The following COL22A1 variants were observed in gnomAD, a reference collection of about 807,000 sequenced individuals.
COL22A1 encodes the protein collagen type XXII alpha 1 chain.
In COL22A1, 221 loss-of-function variants were observed where a neutral mutation model predicts 248.9. The observed-to-expected ratio is 0.89, with a 90% CI of 0.80 to 0.99. The LOEUF is 0.99. COL22A1 is among the 50% of genes least tolerant of loss of function. The pLI, the probability that COL22A1 is intolerant of heterozygous loss-of-function variation, is 0.00. For synonymous variants in COL22A1, 891 were observed against 793.4 expected (o/e 1.12, Z -2.07); for missense variants, 2,240 against 2,179.0 (o/e 1.03, Z -0.56).
At chr8:138,622,455 T>C (rs1327866863) in intron 52 of COL22A1, among the ~76,000 whole-genome samples, 1 of 152,230 alleles carries the variant, frequency 6.6e-6, no homozygotes, top group Non-Finnish European at 1.5e-5. Flanking sequence ...TAAAATATTT[T>C]TATTTAATCA....
intron 50 of COL22A1, 88 bp downstream of exon 50, chr8:138,630,607 C>T: frequency 8.9e-7 from 1 of 1,117,898 alleles, no homozygotes; most frequent in East Asian, 2.4e-5. Flanking sequence ...AGGAGGCACA[C>T]AGGACAAGAG....
At chr8:138,888,135 G>A (rs527905856) in intron 1 of COL22A1, among the ~76,000 whole-genome samples, 14 of 152,248 alleles carry the variant, frequency 9.2e-5, no homozygotes, top group Admixed American at 4.6e-4. Context: ...AAATATTCAC[G>A]AGTTGCCCTC....
chr8:138,765,648 A>G (rs919798274), intron 16 of COL22A1, among the ~76,000 whole-genome samples: 1 of 152,206 alleles, frequency 6.6e-6, no homozygotes, highest in East Asian at 1.9e-4. Flanking sequence ...CTAGGCCACT[A>G]TTGTCTGTAA....
intron 37 of COL22A1, among the ~76,000 whole-genome samples, chr8:138,688,137 G>A (rs547034605): frequency 6.0e-4 from 90 of 149,442 alleles, no homozygotes; most frequent in African/African-American, 2.1e-3. Flanking sequence ...AATGCAGAAT[G>A]GAACTTAAAA....
rs73445448 is a variant in COL22A1 at position 138,651,064 on chromosome 8, C to A, written c.3334-1286G>T. 2.6e-3 allele frequency among the ~76,000 whole-genome samples: 403 copies of A among 152,246 alleles called. 2 individuals carry two copies. Among genetic ancestry groups the A allele is most frequent in the African/African-American group, 9.4e-3 (389 of 41,554 alleles). ...TCTTGGTCTCCGATTTCAGGATGGTCAAGTTTTTCCATCACAAAAGCATCT... is the reference window on the plus strand; with the variant it reads ...TCTTGGTCTCCGATTTCAGGATGGTAAAGTTTTTCCATCACAAAAGCATCT... On this transcript the variant is annotated intron_variant, in intron 45 of 64. Coordinates refer to ENST00000303045, the MANE Select transcript of COL22A1 (RefSeq NM_152888.3).
At chr8:138,902,548 C>CA (rs1390239116) in intron 1 of COL22A1, among the ~76,000 whole-genome samples, 6 of 150,900 alleles carry the variant, frequency 4.0e-5, no homozygotes, top group South Asian at 2.1e-4. Flanking sequence ...AATACAAAAA[C>CA]AAAAAAAATT....
chr8:138,738,635 C>T (rs570575771), intron 22 of COL22A1, among the ~76,000 whole-genome samples: 1 of 152,258 alleles, frequency 6.6e-6, no homozygotes, highest in East Asian at 1.9e-4. Context: ...GAGGCTCAGA[C>T]CTCATGTCTC....
chr8:138,866,649 G>T (rs1822919242), intron 3 of COL22A1, among the ~76,000 whole-genome samples: 1 of 152,336 alleles, frequency 6.6e-6, no homozygotes, highest in African/African-American at 2.4e-5. Flanking sequence ...CTTTACTCGG[G>T]ATGGCACCAG....
intron 3 of COL22A1, among the ~76,000 whole-genome samples, chr8:138,857,345 C>T (rs1261143248): frequency 6.6e-6 from 1 of 152,238 alleles, no homozygotes; most frequent in East Asian, 1.9e-4. Flanking sequence ...TGGGTCAGTG[C>T]CAAGCAGGAC....
rs763926603 is a variant in COL22A1 at position 138,602,097 on chromosome 8, C to T, written c.4185+18G>A. On this transcript the variant is annotated intron_variant, in intron 60 of 64. Transcript: ENST00000303045. Reference sequence around the variant, plus strand: ...GGTCGCGTTCGGCGTGTTCAAGGTGCCTGTGCTCTCCACTCACCCTTTCTC... The same window carrying T: ...GGTCGCGTTCGGCGTGTTCAAGGTGTCTGTGCTCTCCACTCACCCTTTCTC... 5.6e-6 allele frequency: 9 copies of T among 1,613,840 alleles called. No individual in the cohort carries two copies. Among genetic ancestry groups the T allele is most frequent in the Non-Finnish European group, 6.8e-6 (8 of 1,179,892 alleles).
intron 27 of COL22A1, among the ~76,000 whole-genome samples, chr8:138,719,748 G>A (rs1336405651): frequency 1.3e-5 from 2 of 152,204 alleles, no homozygotes; most frequent in East Asian, 1.9e-4. Context: ...CTCTGGCTGG[G>A]CTGAATTTGA....
intron 7 of COL22A1, among the ~76,000 whole-genome samples, chr8:138,814,854 C>G (rs2131717617): frequency 6.6e-6 from 1 of 152,254 alleles, no homozygotes; most frequent in South Asian, 2.1e-4. Flanking sequence ...CCTCTACAGC[C>G]AAGAATTCAT....
chr8:138,623,179 C>T (rs1374771135), intron 52 of COL22A1, among the ~76,000 whole-genome samples: 2 of 149,552 alleles, frequency 1.3e-5, no homozygotes, highest in East Asian at 3.9e-4. Flanking sequence ...TTAAACAAAA[C>T]CAAAACCAAA....
intron 63 of COL22A1, among the ~76,000 whole-genome samples, chr8:138,592,947 G>C (rs1309044866): frequency 6.6e-6 from 1 of 152,108 alleles, no homozygotes. Flanking sequence ...ATTTACAATA[G>C]CAAAGACTTG....
intron 1 of COL22A1, among the ~76,000 whole-genome samples, chr8:138,891,492 C>T (rs539200937): frequency 6.6e-6 from 1 of 152,182 alleles, no homozygotes; most frequent in African/African-American, 2.4e-5. Context: ...ACATTACATG[C>T]TCATAAGTGC....
rs562820116 is a variant in COL22A1, at chr8:138,703,857, G to A, written c.2518-510C>T. On this transcript the variant is annotated intron_variant, in intron 30 of 64. Coordinates refer to ENST00000303045, the MANE Select transcript of COL22A1 (RefSeq NM_152888.3). ...CTCACCCAGGAGGCACAAAGAGTTGGGGAATTCCCTTCCCTAGCCAAGGGA... is the reference window on the plus strand; with the variant it reads ...CTCACCCAGGAGGCACAAAGAGTTGAGGAATTCCCTTCCCTAGCCAAGGGA... Among the ~76,000 whole-genome samples the A allele has an allele frequency of 3.9e-5, 6 of 152,284 alleles. 1 individual carries two copies. In the South Asian group the frequency reaches 1.2e-3, roughly 32 times the overall value.
intron 22 of COL22A1, among the ~76,000 whole-genome samples, chr8:138,739,315 G>A (rs1282179182): frequency 6.6e-6 from 1 of 152,056 alleles, no homozygotes; most frequent in African/African-American, 2.4e-5. Context: ...CCAAACTGAA[G>A]GTCTGTCCAC....
At chr8:138,652,887 C>T (rs1564147162) in intron 45 of COL22A1, among the ~76,000 whole-genome samples, 3 of 151,554 alleles carry the variant, frequency 2.0e-5, no homozygotes, top group Non-Finnish European at 4.4e-5. Context: ...GCTGGGAATA[C>T]AGGCATATGC....
chr8:138,755,812 C>A lies in COL22A1; in HGVS notation c.1920G>T (p.Ala640=). ...CTGAGCCTGGTACACCAGGTGGCCCCGCAGGTCCCACGTCACCCTGCACAG... is the reference window on the plus strand; with the variant it reads ...CTGAGCCTGGTACACCAGGTGGCCCAGCAGGTCCCACGTCACCCTGCACAG... The part of the protein sequence containing the change: ...PQGEKGDVGP[A]GPPGVPGSVV... The change falls in exon 19 of 65, where the codon GCG becomes GCT. Residue 640 remains alanine, a synonymous_variant. Transcript: ENST00000303045. 6.2e-7 allele frequency: 1 copy of A among 1,614,158 alleles called. No individual in the cohort carries two copies. Among genetic ancestry groups the A allele is most frequent in the Non-Finnish European group, 8.5e-7 (1 of 1,180,016 alleles).
Sources: gnomAD v4.1 joint callset for allele counts (sites outside exome capture counted in the v4.1 genomes callset) on GRCh38, gnomAD v4.1.1 for gene constraint, MANE v1.5 for transcripts, NCBI Gene and HGNC (gene_info 2026-07-23, HGNC 2026-07-21) for gene names.